TBXAS1: variants seen among roughly 807,000 people sequenced by gnomAD.
The protein encoded by TBXAS1 is thromboxane A synthase 1, also known as thromboxane-A synthase.
Under a neutral mutation model 60.7 loss-of-function variants are expected in TBXAS1, and 48 were observed. The observed-to-expected ratio is 0.79, with a 90% CI of 0.63 to 1.01. The LOEUF (loss-of-function observed/expected upper bound fraction) is 1.01. TBXAS1 is among the 50% of genes least tolerant of loss of function. The pLI, the probability that TBXAS1 is intolerant of heterozygous loss-of-function variation, is 0.00. For synonymous variants in TBXAS1, 287 were observed against 269.7 expected (o/e 1.06, Z -0.63); for missense variants, 685 against 686.3 (o/e 1.00, Z 0.02).
At chr7:139,906,577 T>C in intron 3 of TBXAS1, among the ~76,000 whole-genome samples, 1 of 152,246 alleles carries the variant, frequency 6.6e-6, no homozygotes, top group Non-Finnish European at 1.5e-5. Flanking sequence ...CTTTATTCTT[T>C]TTTCAAAATT....
At chr7:139,826,786 T>G (rs541022116), upstream of TBXAS1, among the ~76,000 whole-genome samples, 4 of 152,290 alleles carry the variant, frequency 2.6e-5, no homozygotes, top group South Asian at 2.1e-4. Context: ...CATGATCAAT[T>G]GTTATTATTC....
chr7:139,952,923 AAT>A (rs1221176572), intron 5 of TBXAS1, among the ~76,000 whole-genome samples: 7 of 152,362 alleles, frequency 4.6e-5, no homozygotes, highest in African/African-American at 1.7e-4. Flanking sequence ...ACTAAGATTC[AAT>A]ATTCTAGTGA....
chr7:139,827,471 T>A (rs1281346159), upstream of TBXAS1, among the ~76,000 whole-genome samples: 2 of 152,246 alleles, frequency 1.3e-5, no homozygotes, highest in Non-Finnish European at 2.9e-5. Flanking sequence ...GTGTTAATAT[T>A]GAAATGTGAG....
rs563497347 is a variant in TBXAS1 at position 139,926,977 on chromosome 7, C to CT, written c.334-9206dup. 4.6e-4 allele frequency among the ~76,000 whole-genome samples: 70 copies of CT among 151,342 alleles called. No individual in the cohort carries two copies. The South Asian group carries it at 9.6e-3, about 21-fold the overall frequency. The stretch of plus-strand genomic sequence containing the variant: ...CTCTTCTTATTGATTTCTAGGGTTT[C>CT]TTTTTTTTGTTTTTTGTTTGTTTGT... On this transcript the variant is annotated intron_variant, in intron 4 of 12. Coordinates refer to ENST00000448866, the MANE Select transcript of TBXAS1 (RefSeq NM_001061.7).
At chr7:139,992,398 A>G (rs1812979552) in intron 9 of TBXAS1, among the ~76,000 whole-genome samples, 1 of 152,170 alleles carries the variant, frequency 6.6e-6, no homozygotes, top group African/African-American at 2.4e-5. Flanking sequence ...CCACCCCGCC[A>G]GCTCCCAGCA....
In TBXAS1 at chr7:139,865,864, A is replaced by AAGG. The variant is rs1357465170; in HGVS notation, c.90-6369_90-6367dup. Among the ~76,000 whole-genome samples the AAGG allele has an allele frequency of 2.0e-4, 19 of 95,088 alleles. 1 individual carries two copies. The highest frequency in any genetic ancestry group is 8.7e-4 in the African/African-American group (19 of 21,942). The allele number at this position is 95,088 out of a possible 152,430, so 62.4% of individuals were successfully genotyped here. A position where few individuals can be genotyped will look rare whatever the true frequency, so the allele number is the denominator to read the frequency against. ...AGGAAGAAGGAAGGAGGGAGGGAGG[A>AAGG]AGGAAGGAGGGAGGGAGGGAAGGAG... is the stretch of plus-strand genomic sequence containing the variant. On this transcript the variant is annotated intron_variant, in intron 1 of 12. Transcript: ENST00000448866.
At chr7:139,935,167 C>T (rs1372252150) in intron 4 of TBXAS1, among the ~76,000 whole-genome samples, 6 of 152,190 alleles carry the variant, frequency 3.9e-5, no homozygotes, top group Non-Finnish European at 2.9e-5. Context: ...CTCAGTAGCT[C>T]GTGGGATAGG....
chr7:139,923,326 G>A (rs1197826803), intron 4 of TBXAS1, among the ~76,000 whole-genome samples: 1 of 149,328 alleles, frequency 6.7e-6, no homozygotes, highest in Admixed American at 6.7e-5. Context: ...GACCCTGTCC[G>A]AGAGAGAGAG....
intron 4 of TBXAS1, among the ~76,000 whole-genome samples, chr7:139,923,563 A>G (rs1353295486): frequency 6.6e-6 from 1 of 152,002 alleles, no homozygotes; most frequent in South Asian, 2.1e-4. Flanking sequence ...TATAATAATC[A>G]CATCAGGGTA....
chr7:139,860,047 G>A (rs957976708), intron 1 of TBXAS1, among the ~76,000 whole-genome samples: 9 of 152,188 alleles, frequency 5.9e-5, no homozygotes, highest in African/African-American at 2.2e-4. Flanking sequence ...GCTGAGGCAT[G>A]AGGCTTGAAC....
chr7:139,868,652 ATTTTTTTTTTT>A (rs71170918), intron 1 of TBXAS1, among the ~76,000 whole-genome samples: 3 of 105,044 alleles, frequency 2.9e-5, no homozygotes, highest in African/African-American at 1.1e-4. Flanking sequence ...CCTGGCTAAT[ATTTTTTTTTTT>A]TTTTTTTTTT....
chr7:139,972,604 T>G (rs1463213523), intron 9 of TBXAS1, among the ~76,000 whole-genome samples: 70 of 152,140 alleles, frequency 4.6e-4, no homozygotes, highest in Admixed American at 4.6e-3. Context: ...TTCACACCAG[T>G]GGAGTGGAAG....
At chr7:139,865,374 T>C (rs2116750476) in intron 1 of TBXAS1, among the ~76,000 whole-genome samples, 1 of 152,292 alleles carries the variant, frequency 6.6e-6, no homozygotes. Flanking sequence ...CTAACAAGGC[T>C]GTGGTTAGTT....
chr7:139,949,189 C>T (rs889106269), intron 5 of TBXAS1, among the ~76,000 whole-genome samples: 1 of 152,088 alleles, frequency 6.6e-6, no homozygotes, highest in African/African-American at 2.4e-5. Context: ...AATGGGTGGC[C>T]CCCTCTTTAT....
intron 9 of TBXAS1, among the ~76,000 whole-genome samples, chr7:139,965,902 T>C (rs1426418448): frequency 6.6e-6 from 1 of 151,434 alleles, no homozygotes; most frequent in Non-Finnish European, 1.5e-5. Context: ...TTTTTTTTTT[T>C]ACTATAATCA....
intron 9 of TBXAS1, among the ~76,000 whole-genome samples, chr7:140,005,976 G>C (rs539730963): frequency 6.6e-6 from 1 of 152,320 alleles, no homozygotes; most frequent in Non-Finnish European, 1.5e-5. Flanking sequence ...TCCCAGGCAG[G>C]GTGGCCAGTG....
chr7:140,009,525 T>A (rs898477569), intron 10 of TBXAS1, among the ~76,000 whole-genome samples: 1 of 151,614 alleles, frequency 6.6e-6, no homozygotes, highest in Admixed American at 6.6e-5. Context: ...ACAGCTTCCA[T>A]CCAGCCTCGC....
At chr7:139,969,457 C>CAAAAAAAAAAAAAAAAA in intron 9 of TBXAS1, among the ~76,000 whole-genome samples, 1 of 101,038 alleles carries the variant, frequency 9.9e-6, no homozygotes, top group Non-Finnish European at 1.9e-5. Context: ...TATGTGCTTA[C>CAAAAAAAAAAAAAAAAA]AAAAAAAAAA....
At chr7:139,951,593 T>TAAAAAAAAAAAAAAAAAA (rs66551791) in intron 5 of TBXAS1, among the ~76,000 whole-genome samples, 2 of 66,312 alleles carry the variant, frequency 3.0e-5, no homozygotes, top group African/African-American at 1.2e-4. Flanking sequence ...CCGTCTCTAC[T>TAAAAAAAAAAAAAAAAAA]AAAAAAAAAA....
Sources: allele counts gnomAD v4.1 joint callset (sites outside exome capture counted in the v4.1 genomes callset), GRCh38; gene constraint gnomAD v4.1.1; transcripts MANE v1.5; gene names NCBI Gene and HGNC (gene_info 2026-07-23, HGNC 2026-07-21).